TANGO6: variants seen among roughly 807,000 people sequenced by gnomAD.
TANGO6 encodes transport and golgi organization 6 homolog, also known as transport and Golgi organization protein 6 homolog.
A neutral mutation model predicts 114.2 loss-of-function variants in TANGO6; 90 were observed. The observed-to-expected ratio is 0.79, with a 90% CI of 0.66 to 0.94. The LOEUF is 0.94. Among genes scored for constraint, TANGO6 ranks in the 40% least tolerant of loss-of-function variants. TANGO6 has a pLI of 0.00. For synonymous variants in TANGO6, 477 were observed against 509.8 expected, an observed-to-expected ratio of 0.94 and a Z score of 0.87; for missense variants, 1,274 against 1,315.3, an observed-to-expected ratio of 0.97 and a Z score of 0.49.
chr16:69,039,449 A>G (rs1470487430), intron 16 of TANGO6, among the ~76,000 whole-genome samples: 2 of 152,166 alleles, frequency 1.3e-5, no homozygotes, highest in Non-Finnish European at 2.9e-5. Flanking sequence ...CAGCTGGGCA[A>G]CATGGTAAAA....
At chr16:68,971,450 A>G (rs574569028) in intron 14 of TANGO6, among the ~76,000 whole-genome samples, 1 of 151,604 alleles carries the variant, frequency 6.6e-6, no homozygotes, top group Non-Finnish European at 1.5e-5. Flanking sequence ...TTTTAAAATT[A>G]TTTTTATAGA....
intron 17 of TANGO6, among the ~76,000 whole-genome samples, chr16:69,063,840 T>TATTATG (rs1567569013): frequency 6.8e-6 from 1 of 146,008 alleles, no homozygotes. Context: ...TTATTATTAT[T>TATTATG]ATTATATTAT....
At chr16:69,004,797 C>T (rs1964078139) in intron 15 of TANGO6, among the ~76,000 whole-genome samples, 1 of 152,192 alleles carries the variant, frequency 6.6e-6, no homozygotes, top group African/African-American at 2.4e-5. Context: ...AGGATCTTTA[C>T]TAGACATAGA....
At chr16:68,907,600 T>C (rs764758854) in intron 10 of TANGO6, 25 bp downstream of exon 10, 1 of 1,590,390 alleles carries the variant, frequency 6.3e-7, no homozygotes, top group Non-Finnish European at 8.5e-7. Flanking sequence ...TAGTTCCTGG[T>C]CAGTGTTGTT....
At chr16:68,923,037 C>A (rs941145062) in intron 12 of TANGO6, among the ~76,000 whole-genome samples, 1 of 150,282 alleles carries the variant, frequency 6.7e-6, no homozygotes, top group Non-Finnish European at 1.5e-5. Flanking sequence ...AACCTCCGCC[C>A]GCTGGGTTCA....
intron 7 of TANGO6, among the ~76,000 whole-genome samples, chr16:68,897,303 T>A (rs1024614187): frequency 6.6e-6 from 1 of 152,198 alleles, no homozygotes; most frequent in African/African-American, 2.4e-5. Context: ...CACTCGTCAC[T>A]ACCTGGTATT....
chr16:68,992,411 C>G (rs568121705), intron 15 of TANGO6, among the ~76,000 whole-genome samples: 1 of 152,226 alleles, frequency 6.6e-6, no homozygotes, highest in Non-Finnish European at 1.5e-5. Flanking sequence ...TATTAAATAT[C>G]TGATAGGATG....
chr16:68,971,057 G>A (rs148344036), intron 14 of TANGO6, among the ~76,000 whole-genome samples: 3,798 of 151,882 alleles, frequency 0.025, 163 homozygotes, highest in African/African-American at 0.087. Context: ...GGAGGCCGAG[G>A]CAGGAGAATT....
intron 15 of TANGO6, among the ~76,000 whole-genome samples, chr16:69,021,038 A>T (rs1959397548): frequency 6.6e-6 from 1 of 151,642 alleles, no homozygotes; most frequent in Admixed American, 6.6e-5. Flanking sequence ...CCCTTGTTCC[A>T]CCCTGGACAT....
chr16:68,870,148 G>T (rs961913157), intron 4 of TANGO6, among the ~76,000 whole-genome samples: 18 of 152,198 alleles, frequency 1.2e-4, no homozygotes, highest in Non-Finnish European at 2.6e-4. Context: ...GACATCTGAG[G>T]AATCACGGAG....
intron 15 of TANGO6, among the ~76,000 whole-genome samples, chr16:69,016,012 C>T (rs1188090077): frequency 2.6e-5 from 4 of 152,168 alleles, no homozygotes; most frequent in African/African-American, 9.6e-5. Flanking sequence ...AGGTCTTCTC[C>T]TCTGAGAGCT....
chr16:68,981,591 C>G (rs1963837610), intron 15 of TANGO6, among the ~76,000 whole-genome samples: 1 of 151,936 alleles, frequency 6.6e-6, no homozygotes, highest in Admixed American at 6.6e-5. Context: ...ATTACTGTGC[C>G]CAAGATAATG....
At chr16:69,026,915 T>C (rs922246445) in intron 16 of TANGO6, among the ~76,000 whole-genome samples, 2 of 152,214 alleles carry the variant, frequency 1.3e-5, no homozygotes, top group African/African-American at 4.8e-5. Context: ...TATGCTGTAG[T>C]GCAGTGGTGC....
At chr16:69,020,912 G>GTGTGTGTGTGTC (rs1959392562) in intron 15 of TANGO6, among the ~76,000 whole-genome samples, 2 of 63,604 alleles carry the variant, frequency 3.1e-5, no homozygotes, top group African/African-American at 6.8e-5. Context: ...GTATGTGTGT[G>GTGTGTGTGTGTC]TGTGTGTGTG....
At chr16:68,940,012 A>T (rs1272962678) in intron 14 of TANGO6, among the ~76,000 whole-genome samples, 2 of 150,148 alleles carry the variant, frequency 1.3e-5, no homozygotes, top group African/African-American at 2.5e-5. Context: ...GGATTTTTTT[A>T]AAAATATAAT....
At chr16:69,036,942 G>A (rs1959698175) in intron 16 of TANGO6, among the ~76,000 whole-genome samples, 1 of 151,262 alleles carries the variant, frequency 6.6e-6, no homozygotes, top group Non-Finnish European at 1.5e-5. Flanking sequence ...CAGCCTGGGT[G>A]ACACAGTGAG....
intron 17 of TANGO6, among the ~76,000 whole-genome samples, chr16:69,041,976 A>G (rs1959780713): frequency 6.6e-6 from 1 of 152,204 alleles, no homozygotes; most frequent in Non-Finnish European, 1.5e-5. Flanking sequence ...GAAAGAAAGA[A>G]GATAAGAGAA....
chr16:68,948,411 G>A (rs1354673595), intron 14 of TANGO6: 2 of 152,184 alleles, frequency 1.3e-5, no homozygotes, highest in African/African-American at 4.8e-5. Context: ...GGGAACTGAG[G>A]CTTAAGGATG....
chr16:68,903,688 G>A (rs986807559), intron 9 of TANGO6, among the ~76,000 whole-genome samples: 12 of 150,710 alleles, frequency 8.0e-5, no homozygotes, highest in South Asian at 2.1e-4. Flanking sequence ...TTGGGAGGCC[G>A]AGGTGGGTAG....
Sources: gnomAD v4.1 joint callset for allele counts (sites outside exome capture counted in the v4.1 genomes callset) on GRCh38, gnomAD v4.1.1 for gene constraint, MANE v1.5 for transcripts, NCBI Gene and HGNC (gene_info 2026-07-23, HGNC 2026-07-21) for gene names.